The following IFT25 variants were observed in gnomAD, a reference collection of about 807,000 sequenced individuals.
IFT25 encodes the protein intraflagellar transport protein 25 homolog.
the IFT25 span, among the ~76,000 whole-genome samples, chr1:53,937,041 G>A: frequency 6.6e-6 from 1 of 152,192 alleles, no homozygotes; most frequent in East Asian, 1.9e-4. Flanking sequence ...ATCCTGTAGG[G>A]ACACATTTAT....
At chr1:53,931,771 C>A in the IFT25 span, among the ~76,000 whole-genome samples, 2 of 152,150 alleles carry the variant, frequency 1.3e-5, no homozygotes, top group Admixed American at 6.5e-5. Context: ...AGGTTTATAA[C>A]TTTTATTAAT....
the IFT25 span, chr1:53,928,305 G>A: frequency 1.6e-6 from 2 of 1,251,406 alleles, no homozygotes; most frequent in Non-Finnish European, 2.3e-6. Flanking sequence ...AGCTAGATGA[G>A]AAATGCAGAA....
the IFT25 span, chr1:53,939,974 G>A: frequency 6.7e-7 from 1 of 1,490,540 alleles, no homozygotes; most frequent in Non-Finnish European, 9.4e-7. Context: ...ACAAAGTATA[G>A]TAACTCTTAC....
the IFT25 span, among the ~76,000 whole-genome samples, chr1:53,935,216 G>A: frequency 6.6e-6 from 1 of 152,168 alleles, no homozygotes; most frequent in African/African-American, 2.4e-5. Flanking sequence ...GGGAGGCTGA[G>A]GCAGGAGAAT....
the IFT25 span, chr1:53,946,011 C>G: frequency 1.3e-5 from 2 of 152,580 alleles, no homozygotes; most frequent in Admixed American, 1.3e-4. Flanking sequence ...CCCTCCTACC[C>G]CTAGCTCTTA....
At chr1:53,912,894 A>C in the IFT25 span, among the ~76,000 whole-genome samples, 4 of 152,300 alleles carry the variant, frequency 2.6e-5, no homozygotes, top group South Asian at 4.1e-4. Flanking sequence ...GGGAATTTGC[A>C]TTACTAACAA....
At chr1:53,921,772 A>G in the IFT25 span, 2 of 1,579,712 alleles carry the variant, frequency 1.3e-6, no homozygotes, top group Admixed American at 3.4e-5. Context: ...ATGTGCCTGT[A>G]TGGGAAAAAA....
the IFT25 span, chr1:53,928,765 C>A: frequency 4.3e-6 from 1 of 233,210 alleles, no homozygotes; most frequent in Admixed American, 5.5e-5. Context: ...TATGGAGAGC[C>A]TATGATGAGT....
the IFT25 span, chr1:53,945,826 G>GC: frequency 7.0e-6 from 1 of 142,844 alleles, no homozygotes; most frequent in Non-Finnish European, 1.5e-5. Flanking sequence ...ACTCCCACAG[G>GC]CCCCGCCCTG....
the IFT25 span, chr1:53,939,598 C>T: frequency 2.4e-5 from 5 of 207,234 alleles, no homozygotes; most frequent in Non-Finnish European, 3.8e-5. Flanking sequence ...AAAGATATCA[C>T]TTAGACCAGT....
the IFT25 span, chr1:53,921,793 A>G: frequency 1.4e-6 from 2 of 1,439,846 alleles, no homozygotes; most frequent in Non-Finnish European, 2.0e-6. Flanking sequence ...ATCAATATAA[A>G]TGCTTTTAGC....
the IFT25 span, among the ~76,000 whole-genome samples, chr1:53,945,056 G>A: frequency 6.6e-6 from 1 of 151,900 alleles, no homozygotes. Context: ...GTCTCCGAGG[G>A]GCCAGGGCCA....
At chr1:53,930,426 A>C in the IFT25 span, among the ~76,000 whole-genome samples, 1 of 152,184 alleles carries the variant, frequency 6.6e-6, no homozygotes, top group Non-Finnish European at 1.5e-5. Flanking sequence ...TATGGCATTT[A>C]AGACTGTAGG....
At chr1:53,939,264 G>A in the IFT25 span, among the ~76,000 whole-genome samples, 4 of 151,174 alleles carry the variant, frequency 2.6e-5, no homozygotes, top group African/African-American at 7.3e-5. Flanking sequence ...GGTAGTGCAC[G>A]CCTGTAGTCC....
the IFT25 span, among the ~76,000 whole-genome samples, chr1:53,912,156 A>G: frequency 5.9e-5 from 9 of 152,266 alleles, no homozygotes; most frequent in African/African-American, 2.2e-4. Context: ...ACAAAAGGAG[A>G]CAGGATGTAA....
the IFT25 span, among the ~76,000 whole-genome samples, chr1:53,912,233 TC>T: frequency 6.6e-6 from 1 of 152,184 alleles, no homozygotes; most frequent in Admixed American, 6.6e-5. Context: ...CACAGAAATC[TC>T]CCCATTTTCA....
At chr1:53,923,572 AC>A in the IFT25 span, 1 of 234,504 alleles carries the variant, frequency 4.3e-6, no homozygotes, top group East Asian at 1.1e-4. Flanking sequence ...TGGCATCGCG[AC>A]CCTTTTTTCA....
At chr1:53,927,950 G>A in the IFT25 span, among the ~76,000 whole-genome samples, 13 of 152,132 alleles carry the variant, frequency 8.5e-5, no homozygotes, top group Non-Finnish European at 1.6e-4. Flanking sequence ...TATTTTGAAA[G>A]GGAAAATAGA....
At chr1:53,929,006 T>TC in the IFT25 span, 1 of 153,220 alleles carries the variant, frequency 6.5e-6, no homozygotes, top group African/African-American at 2.4e-5. Flanking sequence ...AACTGGTTTT[T>TC]CTCCACTGCT....
Sources: gnomAD v4.1 joint callset for allele counts (sites outside exome capture counted in the v4.1 genomes callset) on GRCh38, gnomAD v4.1.1 for gene constraint, MANE v1.5 for transcripts, NCBI Gene and HGNC (gene_info 2026-07-23, HGNC 2026-07-21) for gene names.